Variants in MICU2 observed in about 807,000 individuals in gnomAD.
MICU2 encodes calcium uptake protein 2, mitochondrial.
Under a neutral mutation model 60.4 loss-of-function variants are expected in MICU2, and 64 were observed. That is an observed-to-expected ratio of 1.06 (90% CI 0.87 to 1.31). MICU2 has a LOEUF of 1.31. MICU2 is among the 50% of genes most tolerant of loss of function. MICU2 has a pLI of 0.00. For synonymous variants in MICU2, 201 were observed against 175.0 expected, an observed-to-expected ratio of 1.15 and a Z score of -1.17; for missense variants, 569 against 531.0, an observed-to-expected ratio of 1.07 and a Z score of -0.70.
rs1887438546 is a variant in MICU2 at position 21,547,229 on chromosome 13, C to A, written c.359-7541G>T. Reference sequence around the variant, plus strand: ...TTCAAGGGGAGGGACAAAGGCTCCACTTTTGATGGGGAGTGATAAGGTTCT... The same window carrying A: ...TTCAAGGGGAGGGACAAAGGCTCCAATTTTGATGGGGAGTGATAAGGTTCT... On this transcript the variant is annotated intron_variant, in intron 2 of 11. Transcript: ENST00000382374. Among the ~76,000 whole-genome samples the A allele has an allele frequency of 2.0e-5, 3 of 152,162 alleles. No individual in the cohort carries two copies. In the South Asian group the frequency reaches 6.2e-4, roughly 32 times the overall value.
intron 2 of MICU2, among the ~76,000 whole-genome samples, chr13:21,549,209 G>A (rs536254222): frequency 1.1e-4 from 17 of 152,078 alleles, no homozygotes; most frequent in Middle Eastern, 3.2e-3. Flanking sequence ...GATTACAGGC[G>A]TGAGCTAGCG....
intron 9 of MICU2, 185 bp from the exon 10 acceptor site, chr13:21,496,345 G>A: frequency 1.9e-6 from 1 of 539,068 alleles, no homozygotes; most frequent in Non-Finnish European, 3.2e-6. Flanking sequence ...GGCACAGTGA[G>A]AAGGTGCTGT....
chr13:21,496,918 C>G lies in MICU2; in HGVS notation c.934-758G>C, dbSNP rs536917742. On this transcript the variant is annotated intron_variant, in intron 9 of 11. Coordinates refer to ENST00000382374, the MANE Select transcript of MICU2 (RefSeq NM_152726.3). ...AAAACACAAAAACAAAAAAATTAGC[C>G]GGGCGTGGTGGCAGGCGCCTGTAGT... is the stretch of plus-strand genomic sequence containing the variant. 1.3e-3 allele frequency among the ~76,000 whole-genome samples: 191 copies of G among 152,022 alleles called. 1 individual carries two copies. Among genetic ancestry groups the G allele is most frequent in the African/African-American group, 4.2e-3 (174 of 41,492 alleles).
At chr13:21,494,262 T>A (rs1885936500) in intron 11 of MICU2, among the ~76,000 whole-genome samples, 1 of 152,224 alleles carries the variant, frequency 6.6e-6, no homozygotes, top group South Asian at 2.1e-4. Flanking sequence ...TTTATTTTCA[T>A]GAATAGTACC....
At chr13:21,539,469 C>T (rs1241809929) in intron 3 of MICU2, 92 bp from the exon 4 acceptor site, 3 of 1,369,406 alleles carry the variant, frequency 2.2e-6, no homozygotes, top group Non-Finnish European at 3.0e-6. Context: ...CGGCTAATTT[C>T]TTTTTGTATT....
At chr13:21,527,125 G>A (rs756958452) in intron 4 of MICU2, among the ~76,000 whole-genome samples, 27 of 152,046 alleles carry the variant, frequency 1.8e-4, no homozygotes, top group African/African-American at 5.1e-4. Flanking sequence ...ACTATAGTAC[G>A]TTTTCAGATT....
At chr13:21,551,681 T>C (rs1593340399) in intron 2 of MICU2, among the ~76,000 whole-genome samples, 2 of 148,034 alleles carry the variant, frequency 1.4e-5, no homozygotes, top group Non-Finnish European at 3.0e-5. Flanking sequence ...AGTGAGAACA[T>C]GCAGTGTTTG....
In MICU2 at chr13:21,539,183, C is replaced by T. The variant is rs1371236559; in HGVS notation, c.466+119G>A. ...AGACTTTGAAAAAGTTACCTCCTTA[C>T]TTCATGTTTTAAAAACACCTATTAA... is the stretch of plus-strand genomic sequence containing the variant. On this transcript the variant is annotated intron_variant, in intron 4 of 11. Coordinates refer to ENST00000382374, the MANE Select transcript of MICU2 (RefSeq NM_152726.3). 37 of 835,736 alleles carry T rather than the reference C, an allele frequency of 4.4e-5. 1 individual carries two copies. Among genetic ancestry groups the T allele is most frequent in the Non-Finnish European group, 6.7e-5 (36 of 536,180 alleles). The allele number at this position is 835,736 out of a possible 1,614,324, so 51.8% of individuals were successfully genotyped here. A position where few individuals can be genotyped will look rare whatever the true frequency, so the allele number is the denominator to read the frequency against.
chr13:21,542,672 C>T (rs973015843), intron 2 of MICU2, among the ~76,000 whole-genome samples: 15 of 151,932 alleles, frequency 9.9e-5, no homozygotes, highest in African/African-American at 3.1e-4. Flanking sequence ...TTGTAGGAGG[C>T]GGCATAGATC....
rs1229909616 is a variant in MICU2 at position 21,603,784 on chromosome 13, G to C, written c.210+155C>G. ...TCAGGCCGGGGGCCGGTCCAGGAAG[G>C]AGCGAGTCCCACCAGTCGCAGGGCG... On this transcript the variant is annotated intron_variant, in intron 1 of 11. Coordinates refer to ENST00000382374, the MANE Select transcript of MICU2 (RefSeq NM_152726.3). 3 of 817,566 alleles carry C rather than the reference G, an allele frequency of 3.7e-6. No individual in the cohort carries two copies. In the African/African-American group the frequency reaches 5.4e-5, roughly 15 times the overall value. 50.6% of individuals were successfully genotyped at this position (817,566 alleles called of 1,614,324 possible). A position where few individuals can be genotyped will look rare whatever the true frequency, so the allele number is the denominator to read the frequency against.
intron 4 of MICU2, among the ~76,000 whole-genome samples, chr13:21,527,909 T>C (rs1450059965): frequency 6.6e-6 from 1 of 152,176 alleles, no homozygotes; most frequent in Admixed American, 6.5e-5. Flanking sequence ...ATTCTGTCAG[T>C]TACAATGCTT....
chr13:21,557,709 G>A (rs1454750997), intron 2 of MICU2, among the ~76,000 whole-genome samples: 1 of 152,104 alleles, frequency 6.6e-6, no homozygotes, highest in African/African-American at 2.4e-5. Flanking sequence ...ATGCAACCAA[G>A]ATTATTATCC....
intron 2 of MICU2, among the ~76,000 whole-genome samples, chr13:21,563,264 G>A (rs1440904559): frequency 2.6e-5 from 4 of 151,988 alleles, no homozygotes; most frequent in Non-Finnish European, 5.9e-5. Context: ...GACCATCCTG[G>A]CTAACACGGT....
chr13:21,543,737 C>G (rs536612997), intron 2 of MICU2, among the ~76,000 whole-genome samples: 1 of 152,192 alleles, frequency 6.6e-6, no homozygotes, highest in Non-Finnish European at 1.5e-5. Flanking sequence ...AAGGACCACA[C>G]TATCCAAAGT....
chr13:21,544,529 A>AAC (rs1489613026), intron 2 of MICU2, among the ~76,000 whole-genome samples: 6 of 148,666 alleles, frequency 4.0e-5, no homozygotes, highest in South Asian at 4.4e-4. Flanking sequence ...AAAAAAAAAA[A>AAC]AAAAACTCAA....
chr13:21,509,927 G>A, intron 8 of MICU2, 77 bp downstream of exon 8: 1 of 821,282 alleles, frequency 1.2e-6, no homozygotes, highest in Non-Finnish European at 1.9e-6. Flanking sequence ...TGCAGTTCTA[G>A]AAAATGAATA....
At chr13:21,601,332 G>C (rs1050139685) in intron 1 of MICU2, among the ~76,000 whole-genome samples, 3 of 152,116 alleles carry the variant, frequency 2.0e-5, no homozygotes, top group Non-Finnish European at 4.4e-5. Flanking sequence ...TCAACCTATA[G>C]GTCCTCTCAA....
At chr13:21,544,591 T>C (rs950167775) in intron 2 of MICU2, among the ~76,000 whole-genome samples, 10 of 150,404 alleles carry the variant, frequency 6.6e-5, no homozygotes, top group Non-Finnish European at 1.2e-4. Context: ...AGGTATCGTC[T>C]CATCCCAGTT....
At chr13:21,515,026 A>G (rs1301637068) in intron 6 of MICU2, among the ~76,000 whole-genome samples, 1 of 151,882 alleles carries the variant, frequency 6.6e-6, no homozygotes, top group East Asian at 1.9e-4. Context: ...TCCTTTCAAG[A>G]TAATTTTTAT....
Sources: gnomAD v4.1 joint callset for allele counts (sites outside exome capture counted in the v4.1 genomes callset) on GRCh38, gnomAD v4.1.1 for gene constraint, MANE v1.5 for transcripts, NCBI Gene and HGNC (gene_info 2026-07-23, HGNC 2026-07-21) for gene names.